GRB10: variants seen among roughly 807,000 people sequenced by gnomAD.
GRB10 encodes growth factor receptor-bound protein 10.
In GRB10, 20 loss-of-function variants were observed where a neutral mutation model predicts 80.9. The ratio of observed to expected loss-of-function variants is 0.25; its 90% CI spans 0.17 to 0.36. GRB10 has a LOEUF of 0.36. GRB10 is among the 10% of genes least tolerant of loss of function. The pLI, the probability that GRB10 is intolerant of heterozygous loss-of-function variation, is 1.00. For synonymous variants in GRB10, 291 were observed against 291.5 expected (o/e 1.00, Z 0.02); for missense variants, 548 against 747.7 (o/e 0.73, Z 3.12).
chr7:50,789,199 TA>T (rs1244020376), intron 1 of GRB10, among the ~76,000 whole-genome samples: 1 of 152,152 alleles, frequency 6.6e-6, no homozygotes, highest in Admixed American at 6.5e-5. Flanking sequence ...TTTGTGCAAC[TA>T]GCATGTACAA....
At chr7:50,671,459 C>A (rs1486366765) in intron 6 of GRB10, among the ~76,000 whole-genome samples, 12 of 152,198 alleles carry the variant, frequency 7.9e-5, no homozygotes, top group African/African-American at 2.9e-4. Flanking sequence ...CCCACGTAGA[C>A]CAGCAAATGA....
At chr7:50,713,401 C>T (rs1407795429) in intron 4 of GRB10, among the ~76,000 whole-genome samples, 1 of 151,874 alleles carries the variant, frequency 6.6e-6, no homozygotes, top group East Asian at 1.9e-4. Flanking sequence ...CCACCTCCTC[C>T]ACCGCCACCT....
intron 3 of GRB10, among the ~76,000 whole-genome samples, chr7:50,737,931 A>T (rs927040457): frequency 5.3e-5 from 8 of 152,222 alleles, no homozygotes; most frequent in Admixed American, 3.9e-4. Context: ...AAAAGACATA[A>T]GCAACCTCAT....
Position 50,674,489 on chromosome 7 carries a change from C to T in GRB10, c.309G>A (p.Val103=), listed in dbSNP as rs763290603. The change falls in exon 6 of 19, where the codon GTG becomes GTA. Residue 103 remains valine, a synonymous_variant. Transcript: ENST00000401949. The part of the protein sequence containing the change: ...SGPPRSIQPQ[V]SPRQRVQRSQ... ...AGCGCTGCACCCTCTGCCTCGGGGA[C>T]ACCTGTGGCTGGATGGACCGAGGAG... 1.2e-6 allele frequency: 2 copies of T among 1,608,916 alleles called. No individual in the cohort carries two copies. Among genetic ancestry groups the T allele is most frequent in the Non-Finnish European group, 8.5e-7 (1 of 1,180,010 alleles).
chr7:50,623,583 A>G (rs1197905616), intron 8 of GRB10, among the ~76,000 whole-genome samples: 1 of 152,220 alleles, frequency 6.6e-6, no homozygotes, highest in African/African-American at 2.4e-5. Flanking sequence ...CCAGCATCTC[A>G]GAGGAGCGAT....
intron 4 of GRB10, among the ~76,000 whole-genome samples, chr7:50,713,450 C>A (rs1425096246): frequency 6.6e-6 from 1 of 150,608 alleles, no homozygotes; most frequent in Non-Finnish European, 1.5e-5. Flanking sequence ...TTCATTACCA[C>A]CTCCATCATC....
intron 7 of GRB10, among the ~76,000 whole-genome samples, chr7:50,641,090 A>AT (rs144762891): frequency 0.058 from 8,768 of 152,002 alleles, 330 homozygotes; most frequent in Middle Eastern, 0.12. Context: ...GCTGGGAACA[A>AT]TTTTTTTGTC....
intron 13 of GRB10, among the ~76,000 whole-genome samples, chr7:50,612,022 G>A (rs2049627362): frequency 6.6e-6 from 1 of 152,196 alleles, no homozygotes; most frequent in Non-Finnish European, 1.5e-5. Flanking sequence ...AGTGACTACA[G>A]TAAACAGCCC....
intron 18 of GRB10, among the ~76,000 whole-genome samples, chr7:50,594,188 A>C (rs1251063407): frequency 2.0e-5 from 3 of 152,220 alleles, no homozygotes; most frequent in Non-Finnish European, 2.9e-5. Flanking sequence ...GCTCAACCCC[A>C]GATTCTGTTC....
intron 1 of GRB10, among the ~76,000 whole-genome samples, chr7:50,788,568 G>C (rs1166954382): frequency 6.6e-6 from 1 of 152,186 alleles, no homozygotes; most frequent in Non-Finnish European, 1.5e-5. Context: ...TAGCTCTAGT[G>C]ACCTTAATGA....
chr7:50,615,274 A>G (rs1218518601), intron 11 of GRB10, among the ~76,000 whole-genome samples: 1 of 152,174 alleles, frequency 6.6e-6, no homozygotes, highest in Admixed American at 6.5e-5. Context: ...GGGTTTTCCC[A>G]CTGGTAGCTT....
chr7:50,700,501 CTG>C (rs1257442144), intron 5 of GRB10, among the ~76,000 whole-genome samples: 1 of 152,044 alleles, frequency 6.6e-6, no homozygotes, highest in Non-Finnish European at 1.5e-5. Context: ...TATTGGTACT[CTG>C]TTTCAACAAT....
At chr7:50,612,985 G>A in intron 12 of GRB10, 146 bp from the exon 13 acceptor site, 1 of 704,120 alleles carries the variant, frequency 1.4e-6, no homozygotes, top group Non-Finnish European at 2.6e-6. Context: ...ACACACACCT[G>A]TGTGTTAAGC....
In GRB10 at chr7:50,681,135, T is replaced by G. The variant is rs1419180051; in HGVS notation, c.140-6477A>C. On this transcript the variant is annotated intron_variant, in intron 5 of 18. Coordinates refer to ENST00000401949, the MANE Select transcript of GRB10 (RefSeq NM_001350814.2). ...GTGTTTAAGTATCTATGGCTGCTATTTAGATTCAAAGCAACTAAGAAGCGA... is the reference window on the plus strand; with the variant it reads ...GTGTTTAAGTATCTATGGCTGCTATGTAGATTCAAAGCAACTAAGAAGCGA... Among the ~76,000 whole-genome samples the G allele has an allele frequency of 3.9e-5, 6 of 152,228 alleles. No individual in the cohort carries two copies. The East Asian group carries it at 1.2e-3, about 29-fold the overall frequency.
chr7:50,669,997 C>T (rs1023956962), intron 6 of GRB10, 134 bp from the exon 7 acceptor site: 1 of 1,131,470 alleles, frequency 8.8e-7, no homozygotes, highest in African/African-American at 1.5e-5. Context: ...TTCACAGTGG[C>T]ATCCTTCACA....
chr7:50,632,525 G>A (rs556291913), intron 7 of GRB10, among the ~76,000 whole-genome samples: 2 of 152,302 alleles, frequency 1.3e-5, no homozygotes, highest in South Asian at 2.1e-4. Context: ...GGTTCAAGGG[G>A]TGGCATGGGA....
upstream of GRB10, among the ~76,000 whole-genome samples, chr7:50,786,659 T>A (rs1056555536): frequency 6.6e-6 from 1 of 152,220 alleles, no homozygotes; most frequent in Admixed American, 6.5e-5. Flanking sequence ...CCGTAAACTG[T>A]GAGAGTAGAT....
intron 11 of GRB10, among the ~76,000 whole-genome samples, chr7:50,615,383 G>A (rs1050710066): frequency 3.3e-5 from 5 of 152,156 alleles, no homozygotes; most frequent in African/African-American, 7.2e-5. Flanking sequence ...GACAGTGAGC[G>A]GGCCACACAG....
intron 5 of GRB10, among the ~76,000 whole-genome samples, chr7:50,693,184 C>T (rs2063031497): frequency 6.6e-6 from 1 of 152,120 alleles, no homozygotes; most frequent in Non-Finnish European, 1.5e-5. Context: ...CTATGTCCCT[C>T]GGCACCTAAT....
Sources: gnomAD v4.1 joint callset for allele counts (sites outside exome capture counted in the v4.1 genomes callset) on GRCh38, gnomAD v4.1.1 for gene constraint, MANE v1.5 for transcripts, NCBI Gene and HGNC (gene_info 2026-07-23, HGNC 2026-07-21) for gene names.